Variants in ADAMTSL2 observed in about 807,000 individuals in gnomAD.
ADAMTSL2 encodes the protein ADAMTS like 2.
Under a neutral mutation model 117.0 loss-of-function variants are expected in ADAMTSL2, and 55 were observed. The ratio of observed to expected loss-of-function variants is 0.47; its 90% CI spans 0.38 to 0.59. ADAMTSL2 has a LOEUF of 0.59. Ranked by LOEUF, ADAMTSL2 falls within the 20% of genes least tolerant of loss-of-function variation. ADAMTSL2 has a pLI of 0.00. For synonymous variants in ADAMTSL2, 572 were observed against 566.4 expected, an observed-to-expected ratio of 1.01 and a Z score of -0.14; for missense variants, 1,182 against 1,354.5, an observed-to-expected ratio of 0.87 and a Z score of 2.00.
At chr9:133,532,266 G>A (rs1985381), upstream of ADAMTSL2, 7,738 of 152,002 alleles carry the variant, frequency 0.051, 276 homozygotes, top group Non-Finnish European at 0.075. Context: ...GCGAGATCTC[G>A]GCTCACTGCA....
At chr9:133,572,162 A>G (rs939562100) in intron 17 of ADAMTSL2, among the ~76,000 whole-genome samples, 1 of 134,790 alleles carries the variant, frequency 7.4e-6, no homozygotes, top group Non-Finnish European at 1.6e-5. Context: ...TCTGGCCTCC[A>G]CCCTGCCCCG....
At chr9:133,540,458 G>A (rs1264607728) in intron 5 of ADAMTSL2, 140 bp from the exon 6 acceptor site, 2 of 1,196,240 alleles carry the variant, frequency 1.7e-6, no homozygotes, top group Non-Finnish European at 2.4e-6. Context: ...CTGAGACCTG[G>A]ACAGGTTCCT....
chr9:133,563,019 C>T (rs941991614), intron 12 of ADAMTSL2, among the ~76,000 whole-genome samples: 3 of 152,090 alleles, frequency 2.0e-5, no homozygotes, highest in East Asian at 1.9e-4. Flanking sequence ...TGGTGGGCAC[C>T]GGCTTGGCCA....
At chr9:133,538,565 T>G (rs545090731) in intron 4 of ADAMTSL2, 141 bp downstream of exon 4, 2 of 966,122 alleles carry the variant, frequency 2.1e-6, no homozygotes, top group East Asian at 2.6e-5. Flanking sequence ...GGAGCAGGGT[T>G]GAGAAGGCTG....
At chr9:133,547,243 A>G (rs760349900) in intron 9 of ADAMTSL2, 30 bp downstream of exon 9, 2 of 1,603,170 alleles carry the variant, frequency 1.2e-6, no homozygotes, top group Non-Finnish European at 8.5e-7. Flanking sequence ...TGGGGGCCCC[A>G]GGGGCCCTGG....
intron 12 of ADAMTSL2, among the ~76,000 whole-genome samples, chr9:133,563,795 CAGAG>C (rs1177132066): frequency 2.2e-5 from 2 of 89,022 alleles, no homozygotes; most frequent in African/African-American, 4.3e-5. Context: ...CCCTGAGAGA[CAGAG>C]AGAGAGAGAG....
intron 11 of ADAMTSL2, 92 bp from the exon 12 acceptor site, chr9:133,561,106 C>G (rs1830717111): frequency 9.3e-7 from 1 of 1,076,018 alleles, no homozygotes; most frequent in Non-Finnish European, 1.4e-6. Context: ...GCGAACATAC[C>G]CTCCGAAGAA....
chr9:133,540,463 G>T, intron 5 of ADAMTSL2, 135 bp from the exon 6 acceptor site: 1 of 1,241,836 alleles, frequency 8.1e-7, no homozygotes, highest in Non-Finnish European at 1.1e-6. Flanking sequence ...ACCTGGACAG[G>T]TTCCTTCTGT....
intron 17 of ADAMTSL2, among the ~76,000 whole-genome samples, chr9:133,573,314 A>G (rs1353191874): frequency 2.0e-5 from 3 of 152,172 alleles, no homozygotes; most frequent in African/African-American, 7.2e-5. Context: ...CAAGGGGAAC[A>G]TCTGGACGGG....
chr9:133,560,596 G>A (rs925756511), intron 11 of ADAMTSL2, among the ~76,000 whole-genome samples: 13 of 152,232 alleles, frequency 8.5e-5, no homozygotes, highest in South Asian at 4.1e-4. Context: ...GGGACCCAGC[G>A]TGCCTCCCCC....
In ADAMTSL2 at chr9:133,540,910, C is replaced by G; in HGVS notation, c.591C>G (p.Thr197=). The part of the protein sequence containing the change: ...PIGCDGVLFS[T]HTLDKCGICQ... ...GCTGTGACGGGGTGCTTTTCTCCAC[C>G]CACACACTGGACAAGTGTGGCATCT... Residue 197 remains threonine, a synonymous_variant, in exon 7 of 19, where the codon ACC becomes ACG. Transcript: ENST00000651351. 6.2e-7 allele frequency: 1 copy of G among 1,613,436 alleles called. No individual in the cohort carries two copies. Among genetic ancestry groups the G allele is most frequent in the Non-Finnish European group, 8.5e-7 (1 of 1,180,030 alleles).
intron 5 of ADAMTSL2, 130 bp from the exon 6 acceptor site, chr9:133,540,468 T>C: frequency 7.7e-7 from 1 of 1,304,518 alleles, no homozygotes; most frequent in East Asian, 2.5e-5. Flanking sequence ...GACAGGTTCC[T>C]TCTGTTCTCC....
chr9:133,536,678 C>T lies in ADAMTSL2; in HGVS notation c.-35C>T. ...CTGGTCATCTGGAAGAGGATCGGAGCTGGCCTGGTGGTGACAGTGGCCTTG... is the reference window on the plus strand; with the variant it reads ...CTGGTCATCTGGAAGAGGATCGGAGTTGGCCTGGTGGTGACAGTGGCCTTG... On this transcript the variant is annotated 5_prime_UTR_variant, in exon 2 of 19. Transcript: ENST00000651351. The T allele has an allele frequency of 6.2e-7, 1 of 1,614,182 alleles. No homozygotes were observed. Among genetic ancestry groups the T allele is most frequent in the Non-Finnish European group, 8.5e-7 (1 of 1,180,038 alleles).
chr9:133,537,659 G>A, intron 3 of ADAMTSL2, 112 bp downstream of exon 3: 1 of 1,194,342 alleles, frequency 8.4e-7, no homozygotes, highest in Non-Finnish European at 1.1e-6. Flanking sequence ...AGGGCTCTCG[G>A]GTTGGGGGCA....
intron 13 of ADAMTSL2, among the ~76,000 whole-genome samples, chr9:133,567,395 A>G (rs962874510): frequency 1.3e-5 from 2 of 152,200 alleles, no homozygotes; most frequent in Non-Finnish European, 1.5e-5. Context: ...TTATAAACTC[A>G]AGGGATTATT....
intron 9 of ADAMTSL2, among the ~76,000 whole-genome samples, chr9:133,548,973 T>C (rs527246803): frequency 1.3e-5 from 2 of 152,072 alleles, no homozygotes; most frequent in East Asian, 3.9e-4. Flanking sequence ...GGGCTACAAC[T>C]GACACTCACA....
intron 12 of ADAMTSL2, 21 bp from the exon 13 acceptor site, chr9:133,566,915 C>G: frequency 1.3e-6 from 2 of 1,598,968 alleles, no homozygotes; most frequent in Non-Finnish European, 1.7e-6. Flanking sequence ...GCTCACAGAC[C>G]CACCCCTGTC....
intron 9 of ADAMTSL2, among the ~76,000 whole-genome samples, chr9:133,548,301 T>C (rs1174502355): frequency 6.6e-6 from 1 of 152,230 alleles, no homozygotes; most frequent in Non-Finnish European, 1.5e-5. Context: ...CTTGTCCATC[T>C]CCCCACACTG....
chr9:133,559,444 T>G (rs1435128987), intron 11 of ADAMTSL2, among the ~76,000 whole-genome samples: 1 of 146,954 alleles, frequency 6.8e-6, no homozygotes, highest in Non-Finnish European at 1.5e-5. Flanking sequence ...CCCAGGTTCA[T>G]GCCATTCTCT....
Sources: allele counts gnomAD v4.1 joint callset (sites outside exome capture counted in the v4.1 genomes callset), GRCh38; gene constraint gnomAD v4.1.1; transcripts MANE v1.5; gene names NCBI Gene and HGNC (gene_info 2026-07-23, HGNC 2026-07-21).